NSD3: variants seen among roughly 807,000 people sequenced by gnomAD.
NSD3 encodes histone-lysine N-methyltransferase NSD3.
Under a neutral mutation model 160.8 loss-of-function variants are expected in NSD3, and 24 were observed. The observed-to-expected ratio is 0.15, with a 90% CI of 0.11 to 0.21. The LOEUF is 0.21. Among genes scored for constraint, NSD3 ranks in the 10% least tolerant of loss-of-function variants. NSD3 has a pLI of 1.00. For missense variants in NSD3, 1,157 were observed against 1,735.9 expected, an observed-to-expected ratio of 0.67 and a Z score of 5.93; for synonymous variants, 520 against 600.0, an observed-to-expected ratio of 0.87 and a Z score of 1.95.
chr8:38,348,453 C>T (rs1260376218), intron 1 of NSD3, among the ~76,000 whole-genome samples: 2 of 152,150 alleles, frequency 1.3e-5, no homozygotes, highest in Non-Finnish European at 2.9e-5. Context: ...ACTGTGGCAA[C>T]AAGATTTTAT....
chr8:38,349,735 T>G (rs982240490), intron 1 of NSD3, among the ~76,000 whole-genome samples: 1 of 148,302 alleles, frequency 6.7e-6, no homozygotes, highest in Non-Finnish European at 1.5e-5. Flanking sequence ...GTGCACAATG[T>G]GCAGGTTTGT....
chr8:38,328,624 T>C (rs187277802), intron 6 of NSD3, among the ~76,000 whole-genome samples: 1 of 152,354 alleles, frequency 6.6e-6, no homozygotes, highest in East Asian at 1.9e-4. Context: ...AAGCATAGAA[T>C]TCTTTAATAC....
At chr8:38,354,079 C>T (rs1033012241) in intron 1 of NSD3, among the ~76,000 whole-genome samples, 3 of 152,188 alleles carry the variant, frequency 2.0e-5, no homozygotes, top group African/African-American at 7.2e-5. Flanking sequence ...TTCTAGCTTC[C>T]CAGACTAGAA....
chr8:38,366,016 C>T (rs1811096575), intron 1 of NSD3, among the ~76,000 whole-genome samples: 1 of 147,440 alleles, frequency 6.8e-6, no homozygotes, highest in East Asian at 2.0e-4. Context: ...GAGGCTGAGG[C>T]ATGAGAATCA....
intron 1 of NSD3, among the ~76,000 whole-genome samples, chr8:38,361,436 G>A (rs1412644069): frequency 6.6e-6 from 1 of 150,782 alleles, no homozygotes; most frequent in Non-Finnish European, 1.5e-5. Context: ...AATAAATTAT[G>A]TTTGATACTT....
chr8:38,369,620 G>C (rs532615292), intron 1 of NSD3, among the ~76,000 whole-genome samples: 1 of 151,938 alleles, frequency 6.6e-6, no homozygotes, highest in East Asian at 1.9e-4. Context: ...ACAGTTCTAC[G>C]CACACTCTAG....
intron 3 of NSD3, 139 bp from the exon 4 acceptor site, chr8:38,337,606 C>CA (rs1055527126): frequency 3.1e-5 from 23 of 735,586 alleles, no homozygotes; most frequent in Non-Finnish European, 4.0e-5. Flanking sequence ...ATCAGAAATT[C>CA]AAAAAAAGAA....
chr8:38,322,361 CTT>C (rs1306306681), intron 7 of NSD3, among the ~76,000 whole-genome samples: 12 of 152,160 alleles, frequency 7.9e-5, no homozygotes, highest in Admixed American at 7.9e-4. Context: ...TACTCTCACT[CTT>C]CTCCTTACAC....
chr8:38,358,148 A>G (rs1448252932), intron 1 of NSD3, among the ~76,000 whole-genome samples: 1 of 152,198 alleles, frequency 6.6e-6, no homozygotes, highest in African/African-American at 2.4e-5. Flanking sequence ...CTCTCAAAAT[A>G]CAATTGTCAT....
rs1005050554 is a variant in NSD3, at chr8:38,293,135, C to CAA, written c.2916-2460_2916-2459dup. 4.1e-3 allele frequency among the ~76,000 whole-genome samples: 278 copies of CAA among 68,444 alleles called. 9 individuals are homozygous for CAA. In the South Asian group the frequency reaches 0.097, roughly 24 times the overall value. The allele number at this position is 68,444 out of a possible 152,430, so 44.9% of individuals were successfully genotyped here. On this transcript the variant is annotated intron_variant, in intron 16 of 23. Transcript: ENST00000317025. ...CCTGGGACAGAGCAAGACTTTGTCT[C>CAA]AAAAAAAAAAAAAAAAAGAAAAAGA...
rs1459963708 is a variant in NSD3, at chr8:38,321,956, A to C, written c.1709-784T>G. 6.6e-6 allele frequency among the ~76,000 whole-genome samples: 1 copy of C among 152,234 alleles called. No homozygotes were observed. The highest frequency in any genetic ancestry group is 1.5e-5 in the Non-Finnish European group (1 of 68,042). ...AAATTGAAGAACACAACTTGAAAGA[A>C]CATTGTCAGGAATGATTTCATTCTG... On this transcript the variant is annotated intron_variant, in intron 7 of 23. Transcript: ENST00000317025. This position sits in a 1 kb window ranked among gnomAD's most constrained non-coding sequence, Gnocchi z 4.7.
At chr8:38,364,401 G>A (rs1563369420) in intron 1 of NSD3, among the ~76,000 whole-genome samples, 8 of 152,280 alleles carry the variant, frequency 5.3e-5, no homozygotes. Context: ...TGGACAACCA[G>A]GAAAAGCCAT....
At chr8:38,378,772 G>A (rs1811464900) in intron 1 of NSD3, among the ~76,000 whole-genome samples, 1 of 149,596 alleles carries the variant, frequency 6.7e-6, no homozygotes, top group Admixed American at 6.7e-5. Flanking sequence ...GTATTGAACC[G>A]AGATCGCACC....
At chr8:38,310,389 G>A (rs1316552877) in intron 12 of NSD3, among the ~76,000 whole-genome samples, 1 of 144,892 alleles carries the variant, frequency 6.9e-6, no homozygotes, top group East Asian at 2.1e-4. Flanking sequence ...ATATTCCATT[G>A]TAGGTACATA....
intron 2 of NSD3, among the ~76,000 whole-genome samples, chr8:38,345,216 A>G (rs1158614307): frequency 1.4e-5 from 2 of 146,442 alleles, no homozygotes; most frequent in African/African-American, 2.6e-5. Context: ...TGAGAGGGAG[A>G]GGGAGAGAGA....
intron 19 of NSD3, among the ~76,000 whole-genome samples, chr8:38,286,860 C>CCA (rs1262679483): frequency 3.3e-5 from 5 of 152,236 alleles, no homozygotes; most frequent in Non-Finnish European, 7.3e-5. Flanking sequence ...TGGCTTTCTA[C>CCA]CACACACACG....
chr8:38,274,974 T>C lies in NSD3; in HGVS notation c.*667A>G, dbSNP rs1808563720. On this transcript the variant is annotated 3_prime_UTR_variant, in exon 24 of 24. Coordinates refer to ENST00000317025, the MANE Select transcript of NSD3 (RefSeq NM_023034.2). ...ACCCTTCTAGGTAAAGTTACCATAG[T>C]ACAAAGCCCACCTTGTTTAAGACCA... is the stretch of plus-strand genomic sequence containing the variant. 3 of 210,552 alleles carry C rather than the reference T, an allele frequency of 1.4e-5. No individual in the cohort carries two copies. The highest frequency in any genetic ancestry group is 4.5e-5 in the African/African-American group (2 of 44,148). 13.0% of individuals were successfully genotyped at this position (210,552 alleles called of 1,614,324 possible).
rs945811799 is a variant in NSD3 at position 38,271,140 on chromosome 8, T to C, written c.*4501A>G. The C allele has an allele frequency of 6.6e-5, 10 of 152,316 alleles. No homozygotes were observed. Among genetic ancestry groups the C allele is most frequent in the Admixed American group, 3.9e-4 (6 of 15,304 alleles). The allele number at this position is 152,316 out of a possible 1,614,324, so 9.4% of individuals were successfully genotyped here. On this transcript the variant is annotated 3_prime_UTR_variant, in exon 24 of 24. Coordinates refer to ENST00000317025, the MANE Select transcript of NSD3 (RefSeq NM_023034.2). ...CATGCAGGAGTCTCTTCCTCAAATGTGTTCAATCAATCTGAGCTATCTACT... is the reference window on the plus strand; with the variant it reads ...CATGCAGGAGTCTCTTCCTCAAATGCGTTCAATCAATCTGAGCTATCTACT...
At position 38,318,847 on chromosome 8, in the gene NSD3, T is replaced by C; in HGVS notation, c.1855+48A>G. On this transcript the variant is annotated intron_variant, in intron 9 of 23. Coordinates refer to ENST00000317025, the MANE Select transcript of NSD3 (RefSeq NM_023034.2). The surrounding 1 kb of genome is among the most constrained non-coding windows in gnomAD (Gnocchi z 5.3). The stretch of plus-strand genomic sequence containing the variant: ...ATGAAGTACAAATAATTCTTAAAAA[T>C]TGGTTTTAATCAAGGAAATGCAAAG... The C allele has an allele frequency of 1.3e-6, 2 of 1,535,534 alleles. No homozygotes were observed. The highest frequency in any genetic ancestry group is 1.8e-6 in the Non-Finnish European group (2 of 1,119,820).
Sources: gnomAD v4.1 joint callset for allele counts (sites outside exome capture counted in the v4.1 genomes callset) on GRCh38, gnomAD v4.1.1 for gene constraint, Gnocchi (gnomAD v3.1) non-coding constraint, MANE v1.5 for transcripts, NCBI Gene and HGNC (gene_info 2026-07-23, HGNC 2026-07-21) for gene names.